The following SSU72 variants were observed in gnomAD, a reference collection of about 807,000 sequenced individuals.
SSU72 encodes SSU72 homolog, RNA polymerase II CTD phosphatase, also known as RNA polymerase II subunit A C-terminal domain phosphatase SSU72.
In SSU72, 12 loss-of-function variants were observed where a neutral mutation model predicts 22.7. The observed-to-expected ratio is 0.53, with a 90% CI of 0.34 to 0.86. SSU72 has a LOEUF of 0.86. Among genes scored for constraint, SSU72 ranks in the 40% least tolerant of loss-of-function variants. The pLI, the probability that SSU72 is intolerant of heterozygous loss-of-function variation, is 0.02. For missense variants in SSU72, 151 were observed against 249.8 expected, an observed-to-expected ratio of 0.60 and a Z score of 2.67; for synonymous variants, 116 against 98.3, an observed-to-expected ratio of 1.18 and a Z score of -1.06.
chr1:1,556,377 A>G (rs551586321), intron 2 of SSU72, among the ~76,000 whole-genome samples: 1 of 152,046 alleles, frequency 6.6e-6, no homozygotes, highest in Non-Finnish European at 1.5e-5. Context: ...CATGTCTACT[A>G]AAAATACAAA....
At chr1:1,564,270 T>A (rs1642631143) in intron 2 of SSU72, 2 of 484,844 alleles carry the variant, frequency 4.1e-6, no homozygotes, top group African/African-American at 1.9e-5. Flanking sequence ...AATGAAGGAA[T>A]GTTCTCTCCC....
At chr1:1,572,874 T>C (rs1434251561) in intron 1 of SSU72, among the ~76,000 whole-genome samples, 1 of 49,078 alleles carries the variant, frequency 2.0e-5, no homozygotes, top group Non-Finnish European at 4.6e-5. Flanking sequence ...AATAATTTTG[T>C]CTTGGGGGGG....
At chr1:1,547,841 A>G (rs1017006656) in intron 2 of SSU72, among the ~76,000 whole-genome samples, 1 of 152,218 alleles carries the variant, frequency 6.6e-6, no homozygotes, top group Non-Finnish European at 1.5e-5. Context: ...GGAAGGGGAG[A>G]GAGGCGCCAT....
chr1:1,547,294 C>G (rs1287625880), intron 2 of SSU72, among the ~76,000 whole-genome samples: 1 of 152,204 alleles, frequency 6.6e-6, no homozygotes, highest in Non-Finnish European at 1.5e-5. Flanking sequence ...AAGGCCAGCT[C>G]TTCCCTGAGG....
rs1642495679 is a variant in SSU72, at chr1:1,554,460, A to C, written c.225-9458T>G. ...GATGTGGTTGCTCTCAGGATAAACCACCCAGGGCCCCAAGGTGCCAGGACA... is the reference window on the plus strand; with the variant it reads ...GATGTGGTTGCTCTCAGGATAAACCCCCCAGGGCCCCAAGGTGCCAGGACA... On this transcript the variant is annotated intron_variant, in intron 2 of 4. Transcript: ENST00000291386. This position sits in a 1 kb window ranked among gnomAD's most constrained non-coding sequence, Gnocchi z 4.1. Among the ~76,000 whole-genome samples the C allele has an allele frequency of 6.6e-6, 1 of 152,104 alleles. No individual in the cohort carries two copies. Among genetic ancestry groups the C allele is most frequent in the Non-Finnish European group, 1.5e-5 (1 of 68,014 alleles).
At chr1:1,545,054 C>T in intron 2 of SSU72, 52 bp from the exon 3 acceptor site, 1 of 1,582,566 alleles carries the variant, frequency 6.3e-7, no homozygotes, top group Non-Finnish European at 8.6e-7. Flanking sequence ...TGTATGAAGC[C>T]TGGAAGCGCC....
rs1642496746 is a variant in SSU72, at chr1:1,554,559, G to A, written c.225-9557C>T. On this transcript the variant is annotated intron_variant, in intron 2 of 4. Transcript: ENST00000291386. The surrounding 1 kb of genome is among the most constrained non-coding windows in gnomAD (Gnocchi z 4.1). ...CTCTTTTCACTCCCTAGGGGCCTTA[G>A]TGGGACCAGAACATCCCGGGGAGTT... 2.0e-5 allele frequency among the ~76,000 whole-genome samples: 3 copies of A among 152,304 alleles called. No homozygotes were observed. The highest frequency in any genetic ancestry group is 2.9e-5 in the Non-Finnish European group (2 of 68,012).
intron 3 of SSU72, 153 bp downstream of exon 3, chr1:1,544,710 C>T: frequency 9.5e-7 from 1 of 1,048,560 alleles, no homozygotes; most frequent in South Asian, 1.3e-5. Flanking sequence ...GACCAGCGGC[C>T]CTGCCTGCCT....
rs1010266788 is a variant in SSU72, at chr1:1,542,791, G to A, written c.484-624C>T. 7.9e-5 allele frequency among the ~76,000 whole-genome samples: 12 copies of A among 152,102 alleles called. No individual in the cohort carries two copies. Among genetic ancestry groups the A allele is most frequent in the Middle Eastern group, 3.2e-3 (1 of 316 alleles). ...GAAATCGTGCAATAACTTCTGGGACGACATTTTCTTATGACCTTTTCTCCT... is the reference window on the plus strand; with the variant it reads ...GAAATCGTGCAATAACTTCTGGGACAACATTTTCTTATGACCTTTTCTCCT... On this transcript the variant is annotated intron_variant, in intron 4 of 4. Transcript: ENST00000291386. This position sits in a 1 kb window ranked among gnomAD's most constrained non-coding sequence, Gnocchi z 4.4.
chr1:1,556,228 G>C (rs1023882369), intron 2 of SSU72, among the ~76,000 whole-genome samples: 11 of 152,148 alleles, frequency 7.2e-5, no homozygotes, highest in African/African-American at 2.4e-4. Flanking sequence ...GTCAGGAGAT[G>C]GAGACCATCC....
Position 1,542,453 on chromosome 1 carries a change from G to T in SSU72, c.484-286C>A. ...GAGGGGCCCAGCACGGAGACCTGGC[G>T]GCCAGGGCTCAGACCCACACATGCA... On this transcript the variant is annotated intron_variant, in intron 4 of 4. Coordinates refer to ENST00000291386, the MANE Select transcript of SSU72 (RefSeq NM_014188.3). The surrounding 1 kb of genome is among the most constrained non-coding windows in gnomAD (Gnocchi z 4.4). Among the ~76,000 whole-genome samples the T allele has an allele frequency of 6.6e-6, 1 of 152,146 alleles. No homozygotes were observed. The highest frequency in any genetic ancestry group is 1.5e-5 in the Non-Finnish European group (1 of 68,036).
intron 2 of SSU72, among the ~76,000 whole-genome samples, chr1:1,549,205 C>T (rs542654474): frequency 6.6e-5 from 10 of 152,268 alleles, no homozygotes; most frequent in African/African-American, 2.4e-4. Flanking sequence ...CAAAGAAACC[C>T]TGCCTCTACA....
intron 3 of SSU72, 114 bp from the exon 4 acceptor site, chr1:1,544,101 T>C: frequency 1.3e-6 from 1 of 754,942 alleles, no homozygotes. Flanking sequence ...CCCCAGTGGT[T>C]TCTGGACTCT....
chr1:1,566,538 G>A (rs535052857), intron 1 of SSU72, among the ~76,000 whole-genome samples: 1 of 152,012 alleles, frequency 6.6e-6, no homozygotes, highest in Non-Finnish European at 1.5e-5. Context: ...GACACGTGAG[G>A]AGTTCCATAT....
intron 1 of SSU72, among the ~76,000 whole-genome samples, chr1:1,574,003 G>A (rs1055570567): frequency 1.4e-5 from 2 of 147,244 alleles, no homozygotes; most frequent in East Asian, 4.1e-4. Flanking sequence ...GTTCCAGGGA[G>A]GAAGAGAGGA....
chr1:1,569,918 C>T (rs1034284535), intron 1 of SSU72, among the ~76,000 whole-genome samples: 1 of 152,142 alleles, frequency 6.6e-6, no homozygotes. Flanking sequence ...TTATGTAGCC[C>T]TACCCAACTG....
At chr1:1,571,694 A>G (rs1404451034) in intron 1 of SSU72, among the ~76,000 whole-genome samples, 1 of 152,186 alleles carries the variant, frequency 6.6e-6, no homozygotes, top group East Asian at 1.9e-4. Flanking sequence ...CTGAACTAAA[A>G]AGGACTTGGT....
chr1:1,573,162 C>A (rs988895434), intron 1 of SSU72, among the ~76,000 whole-genome samples: 5 of 151,400 alleles, frequency 3.3e-5, no homozygotes, highest in Non-Finnish European at 7.4e-5. Flanking sequence ...GTGGCTCACG[C>A]CTGTAATCCC....
intron 1 of SSU72, among the ~76,000 whole-genome samples, chr1:1,569,313 C>A (rs953386600): frequency 6.6e-6 from 1 of 152,302 alleles, no homozygotes; most frequent in East Asian, 1.9e-4. Context: ...AAACGTACGG[C>A]GGAGTCTTCT....
Sources: gnomAD v4.1 joint callset for allele counts (sites outside exome capture counted in the v4.1 genomes callset) on GRCh38, gnomAD v4.1.1 for gene constraint, Gnocchi (gnomAD v3.1) non-coding constraint, MANE v1.5 for transcripts, NCBI Gene and HGNC (gene_info 2026-07-23, HGNC 2026-07-21) for gene names.